The following YES1 variants were observed in gnomAD, a reference collection of about 807,000 sequenced individuals.
YES1 encodes the protein YES proto-oncogene 1, Src family tyrosine kinase.
A neutral mutation model predicts 70.4 loss-of-function variants in YES1; 39 were observed. That is an observed-to-expected ratio of 0.55 (90% CI 0.43 to 0.72). YES1 has a LOEUF of 0.72. Among genes scored for constraint, YES1 ranks in the 30% least tolerant of loss-of-function variants. The pLI is 0.00. For missense variants in YES1, 495 were observed against 644.8 expected (o/e 0.77, Z 2.52); for synonymous variants, 198 against 218.6 (o/e 0.91, Z 0.83).
intron 11 of YES1, among the ~76,000 whole-genome samples, chr18:728,105 G>C (rs1406347837): frequency 6.6e-6 from 1 of 152,154 alleles, no homozygotes; most frequent in Admixed American, 6.5e-5. Context: ...GGAGGACAGG[G>C]CAGGCAAATC....
chr18:742,540 G>T (rs972951249), intron 8 of YES1, among the ~76,000 whole-genome samples: 2 of 151,328 alleles, frequency 1.3e-5, no homozygotes, highest in Non-Finnish European at 2.9e-5. Flanking sequence ...ATATTAAAAT[G>T]AGAAAACTAA....
intron 1 of YES1, among the ~76,000 whole-genome samples, chr18:804,195 G>A (rs1906966931): frequency 6.6e-6 from 1 of 152,122 alleles, no homozygotes; most frequent in Non-Finnish European, 1.5e-5. Context: ...TGATGATAGT[G>A]GCTATTTTTC....
At chr18:731,834 G>T (rs180686140) in intron 11 of YES1, among the ~76,000 whole-genome samples, 1 of 151,932 alleles carries the variant, frequency 6.6e-6, no homozygotes, top group Non-Finnish European at 1.5e-5. Context: ...GGGCGTGGTG[G>T]CGGGTGCCTA....
intron 11 of YES1, among the ~76,000 whole-genome samples, chr18:729,775 C>T (rs1465637638): frequency 7.2e-5 from 11 of 151,852 alleles, no homozygotes; most frequent in South Asian, 4.2e-4. Context: ...TACAGGCGCC[C>T]GCCACCATGG....
chr18:760,640 T>C (rs1392277735), intron 1 of YES1, among the ~76,000 whole-genome samples: 1 of 152,154 alleles, frequency 6.6e-6, no homozygotes, highest in East Asian at 1.9e-4. Flanking sequence ...TTCCCATGGA[T>C]CTTGAGGGAT....
rs1209225012 is a variant in YES1 at position 722,696 on chromosome 18, C to T, written c.*1728G>A. ...TTTTGCACTTTAGGGTAAAAACTGT[C>T]CCCTTTTCACCACCGTTAATATTCA... On this transcript the variant is annotated 3_prime_UTR_variant, in exon 12 of 12. Transcript: ENST00000314574. 1 of 152,154 alleles carries T rather than the reference C, an allele frequency of 6.6e-6. No individual in the cohort carries two copies. Among genetic ancestry groups the T allele is most frequent in the Non-Finnish European group, 1.5e-5 (1 of 68,026 alleles). 9.4% of individuals were successfully genotyped at this position (152,154 alleles called of 1,614,324 possible).
At chr18:734,456 G>A (rs1338877675) in intron 10 of YES1, among the ~76,000 whole-genome samples, 9 of 148,076 alleles carry the variant, frequency 6.1e-5, no homozygotes, top group African/African-American at 1.8e-4. Context: ...CTACTCGGGA[G>A]GCTTAGGCAG....
intron 2 of YES1, among the ~76,000 whole-genome samples, chr18:753,531 G>A (rs2080368839): frequency 6.6e-6 from 1 of 152,094 alleles, no homozygotes; most frequent in Non-Finnish European, 1.5e-5. Context: ...CTGTTGCCCA[G>A]GCTAGAGTGC....
At chr18:759,610 CT>C (rs200955379) in intron 1 of YES1, among the ~76,000 whole-genome samples, 12,711 of 152,126 alleles carry the variant, frequency 0.084, 754 homozygotes, top group Admixed American at 0.2. Context: ...AACGTACAGA[CT>C]TTTTTTCCTT....
intron 1 of YES1, among the ~76,000 whole-genome samples, chr18:763,988 G>A (rs1389491189): frequency 6.6e-6 from 1 of 151,724 alleles, no homozygotes; most frequent in Non-Finnish European, 1.5e-5. Context: ...GGGTGTGGTG[G>A]CGGGCACTGT....
chr18:753,509 C>T (rs961191533), intron 2 of YES1, among the ~76,000 whole-genome samples: 4 of 152,092 alleles, frequency 2.6e-5, no homozygotes, highest in South Asian at 2.1e-4. Flanking sequence ...TTTTTTGAGA[C>T]GGAGTCTTGC....
chr18:798,078 G>A (rs893850958), intron 1 of YES1: 6 of 152,174 alleles, frequency 3.9e-5, no homozygotes, highest in African/African-American at 7.2e-5. Flanking sequence ...TGCAATGGAT[G>A]AGCCTCACTC....
chr18:809,605 G>A (rs148015417), intron 1 of YES1, among the ~76,000 whole-genome samples: 1 of 152,188 alleles, frequency 6.6e-6, no homozygotes, highest in Non-Finnish European at 1.5e-5. Flanking sequence ...CCAGCCTGAC[G>A]TGTTCAAAGT....
chr18:728,299 C>G (rs1288497426), intron 11 of YES1, among the ~76,000 whole-genome samples: 2 of 147,956 alleles, frequency 1.4e-5, no homozygotes, highest in African/African-American at 5.1e-5. Flanking sequence ...TGCACTCCAG[C>G]CTGGGTGACA....
chr18:748,108 A>G, intron 3 of YES1, 90 bp from the exon 4 acceptor site: 1 of 1,009,496 alleles, frequency 9.9e-7, no homozygotes, highest in Non-Finnish European at 1.5e-6. Flanking sequence ...GAAGTAAACA[A>G]AGGGTATTAC....
At chr18:764,199 G>T (rs1350233492) in intron 1 of YES1, among the ~76,000 whole-genome samples, 1 of 151,874 alleles carries the variant, frequency 6.6e-6, no homozygotes, top group African/African-American at 2.4e-5. Flanking sequence ...CGTGTATTAA[G>T]GGTTGGCTGA....
At chr18:735,401 A>G (rs1371774484) in intron 10 of YES1, among the ~76,000 whole-genome samples, 1 of 152,068 alleles carries the variant, frequency 6.6e-6, no homozygotes, top group Non-Finnish European at 1.5e-5. Flanking sequence ...AGGGATGGAA[A>G]ACCAAATATT....
rs1196644379 is a variant in YES1, at chr18:721,694, A to G, written c.*2730T>C. On this transcript the variant is annotated 3_prime_UTR_variant, in exon 12 of 12. Transcript: ENST00000314574. ...CAATGGAAGAATAAATTCAGAATAT[A>G]TCAGTTTTTAAAAAACGAATGAGAA... 1 of 152,258 alleles carries G rather than the reference A, an allele frequency of 6.6e-6. No homozygotes were observed. The highest frequency in any genetic ancestry group is 2.4e-5 in the African/African-American group (1 of 41,474). 9.4% of individuals were successfully genotyped at this position (152,258 alleles called of 1,614,324 possible).
chr18:806,301 CAATG>C (rs1322574585), intron 1 of YES1, among the ~76,000 whole-genome samples: 1 of 152,124 alleles, frequency 6.6e-6, no homozygotes, highest in East Asian at 1.9e-4. Flanking sequence ...ACTTCAACTA[CAATG>C]AATTTTCAGT....
Sources: allele counts gnomAD v4.1 joint callset (sites outside exome capture counted in the v4.1 genomes callset), GRCh38; gene constraint gnomAD v4.1.1; transcripts MANE v1.5; gene names NCBI Gene and HGNC (gene_info 2026-07-23, HGNC 2026-07-21).